SAMMSON: variants seen among roughly 807,000 people sequenced by gnomAD.
The protein encoded by SAMMSON is long intergenic non-protein coding RNA 1212.
chr3:70,235,370 C>A (rs774816389), intron 4 of SAMMSON, among the ~76,000 whole-genome samples: 1 of 152,198 alleles, frequency 6.6e-6, no homozygotes, highest in Non-Finnish European at 1.5e-5. Flanking sequence ...CATACTATTT[C>A]ATCACCCACT....
chr3:70,140,541 C>G (rs974599278), intron 4 of SAMMSON: 1 of 154,588 alleles, frequency 6.5e-6, no homozygotes, highest in African/African-American at 2.4e-5. Context: ...AGGATCTTTC[C>G]TTATGGTTTT....
chr3:70,274,549 T>A (rs1043928644), intron 6 of SAMMSON, among the ~76,000 whole-genome samples: 1 of 152,190 alleles, frequency 6.6e-6, no homozygotes, highest in Non-Finnish European at 1.5e-5. Flanking sequence ...AAACACTGCA[T>A]GCTCTCACTT....
chr3:70,018,525 A>AAACCAGCTC (rs1418523076), intron 3 of SAMMSON, among the ~76,000 whole-genome samples: 1 of 152,082 alleles, frequency 6.6e-6, no homozygotes, highest in Non-Finnish European at 1.5e-5. Flanking sequence ...TCTTTTCAAA[A>AAACCAGCTC]AACCAGCTCC....
At chr3:70,048,503 C>A (rs1462871726) in intron 3 of SAMMSON, among the ~76,000 whole-genome samples, 1 of 151,916 alleles carries the variant, frequency 6.6e-6, no homozygotes, top group Non-Finnish European at 1.5e-5. Context: ...CTAAAGAAAG[C>A]TTGACTCTAT....
At chr3:70,179,060 A>G (rs1701031112) in intron 4 of SAMMSON, among the ~76,000 whole-genome samples, 1 of 152,124 alleles carries the variant, frequency 6.6e-6, no homozygotes, top group Non-Finnish European at 1.5e-5. Flanking sequence ...GTTTCATTTT[A>G]TATTTTTGCC....
At chr3:70,160,013 G>A (rs1233593093) in intron 4 of SAMMSON, among the ~76,000 whole-genome samples, 1 of 151,998 alleles carries the variant, frequency 6.6e-6, no homozygotes, top group Non-Finnish European at 1.5e-5. Flanking sequence ...TTATTGAGGT[G>A]TAAGATTTCT....
At chr3:70,128,130 C>A (rs957472398) in intron 4 of SAMMSON, among the ~76,000 whole-genome samples, 1 of 152,194 alleles carries the variant, frequency 6.6e-6, no homozygotes, top group Non-Finnish European at 1.5e-5. Flanking sequence ...GGGAGCATCC[C>A]TCTTCCTGTT....
intron 3 of SAMMSON, among the ~76,000 whole-genome samples, chr3:70,034,744 T>A (rs1329834310): frequency 6.6e-6 from 1 of 152,138 alleles, no homozygotes; most frequent in African/African-American, 2.4e-5. Context: ...CTCAGGAGGC[T>A]GAGGCAGGTG....
chr3:70,191,071 T>C (rs1231827060), intron 4 of SAMMSON, among the ~76,000 whole-genome samples: 1 of 152,256 alleles, frequency 6.6e-6, no homozygotes, highest in East Asian at 1.9e-4. Flanking sequence ...GATCTTCTTC[T>C]ATATTCTTAT....
chr3:70,134,066 A>AC (rs2067494818), intron 4 of SAMMSON, among the ~76,000 whole-genome samples: 1 of 139,688 alleles, frequency 7.2e-6, no homozygotes, highest in Admixed American at 7.7e-5. Flanking sequence ...ACATGGTGAA[A>AC]CCCCGTCTCT....
intron 4 of SAMMSON, among the ~76,000 whole-genome samples, chr3:70,174,231 A>G (rs1196311312): frequency 6.6e-6 from 1 of 152,056 alleles, no homozygotes; most frequent in African/African-American, 2.4e-5. Context: ...TTAAGATGGT[A>G]TGAAGCACGG....
intron 4 of SAMMSON, among the ~76,000 whole-genome samples, chr3:70,179,203 T>C (rs1701032074): frequency 6.6e-6 from 1 of 152,174 alleles, no homozygotes; most frequent in Admixed American, 6.5e-5. Context: ...CAGAATTATT[T>C]TGGACACCTG....
At chr3:70,276,968 A>AT (rs925600735) in intron 6 of SAMMSON, among the ~76,000 whole-genome samples, 37 of 148,896 alleles carry the variant, frequency 2.5e-4, no homozygotes, top group South Asian at 1.1e-3. Context: ...TTTTCACTGG[A>AT]TTTTTTTTTT....
chr3:70,226,485 C>T (rs1395254332), intron 4 of SAMMSON, among the ~76,000 whole-genome samples: 1 of 152,140 alleles, frequency 6.6e-6, no homozygotes, highest in East Asian at 1.9e-4. Context: ...CGCCTGTAAT[C>T]CCAACACTTT....
At chr3:70,403,672 A>C (rs1178189061) in intron 2 of SAMMSON, among the ~76,000 whole-genome samples, 1 of 152,228 alleles carries the variant, frequency 6.6e-6, no homozygotes, top group African/African-American at 2.4e-5. Context: ...CACAAAGTCT[A>C]AAATATTCAC....
intron 3 of SAMMSON, among the ~76,000 whole-genome samples, chr3:70,028,958 C>T (rs2067053728): frequency 1.3e-5 from 2 of 152,170 alleles, no homozygotes; most frequent in Admixed American, 6.5e-5. Context: ...GACAAGTGAG[C>T]AGTCTGGGCT....
At chr3:70,137,009 A>C (rs547822407) in intron 4 of SAMMSON, among the ~76,000 whole-genome samples, 3 of 152,286 alleles carry the variant, frequency 2.0e-5, no homozygotes, top group Admixed American at 2.0e-4. Context: ...ATTATGAGTC[A>C]TACATAATTG....
At chr3:70,421,860 A>G (rs1240040797) in intron 2 of SAMMSON, among the ~76,000 whole-genome samples, 2 of 152,102 alleles carry the variant, frequency 1.3e-5, no homozygotes, top group East Asian at 3.9e-4. Context: ...AGAGATTTCC[A>G]TTCCTTTCCC....
At chr3:70,409,396 G>C (rs1326653619) in intron 2 of SAMMSON, among the ~76,000 whole-genome samples, 1 of 151,034 alleles carries the variant, frequency 6.6e-6, no homozygotes. Context: ...ATCACACAAC[G>C]TTTTTTGCAT....
Sources: gnomAD v4.1 joint callset for allele counts (sites outside exome capture counted in the v4.1 genomes callset) on GRCh38, gnomAD v4.1.1 for gene constraint, MANE v1.5 for transcripts, NCBI Gene and HGNC (gene_info 2026-07-23, HGNC 2026-07-21) for gene names.